The following NAALADL2 variants were observed in gnomAD, a reference collection of about 807,000 sequenced individuals.
NAALADL2 encodes N-acetylated alpha-linked acidic dipeptidase like 2, also known as inactive N-acetylated-alpha-linked acidic dipeptidase-like protein 2.
In NAALADL2, 76 loss-of-function variants were observed where a neutral mutation model predicts 87.2. The ratio of observed to expected loss-of-function variants is 0.87; its 90% CI spans 0.72 to 1.05. The LOEUF is 1.05. Among genes scored for constraint, NAALADL2 ranks in the 50% least tolerant of loss-of-function variants. The pLI is 0.00. For synonymous variants in NAALADL2, 354 were observed against 331.0 expected, an observed-to-expected ratio of 1.07 and a Z score of -0.75; for missense variants, 1,089 against 945.8, an observed-to-expected ratio of 1.15 and a Z score of -1.99.
chr3:174,878,229 G>A (rs143652722), intron 1 of NAALADL2, among the ~76,000 whole-genome samples: 2 of 152,178 alleles, frequency 1.3e-5, no homozygotes, highest in African/African-American at 2.4e-5. Context: ...TAGACACAAC[G>A]TTTAAACTGA....
intron 11 of NAALADL2, among the ~76,000 whole-genome samples, chr3:175,650,354 T>C (rs1258579573): frequency 6.6e-6 from 1 of 152,132 alleles, no homozygotes; most frequent in Non-Finnish European, 1.5e-5. Context: ...CAAATAGAAC[T>C]CAAAGGAATT....
chr3:175,406,091 C>G (rs1712325322), intron 5 of NAALADL2, among the ~76,000 whole-genome samples: 1 of 152,038 alleles, frequency 6.6e-6, no homozygotes, highest in South Asian at 2.1e-4. Context: ...AACACTTAAA[C>G]AAATAATATC....
chr3:175,055,144 T>C (rs1711855284), intron 1 of NAALADL2, among the ~76,000 whole-genome samples: 1 of 152,160 alleles, frequency 6.6e-6, no homozygotes, highest in Admixed American at 6.5e-5. Context: ...ATCAGTAATT[T>C]GGTTCACCCA....
At chr3:174,814,789 A>C (rs1185020784) in intron 3 of NAALADL2, among the ~76,000 whole-genome samples, 14 of 152,216 alleles carry the variant, frequency 9.2e-5, no homozygotes, top group Admixed American at 5.9e-4. Flanking sequence ...TCCATATAGC[A>C]GGCCAACTCT....
intron 13 of NAALADL2, among the ~76,000 whole-genome samples, chr3:175,787,042 A>T (rs1015792603): frequency 6.6e-6 from 1 of 151,846 alleles, no homozygotes; most frequent in Admixed American, 6.6e-5. Flanking sequence ...GGGGTCAGGG[A>T]CCCACTTGAG....
At chr3:174,672,185 C>A (rs992124392) in intron 2 of NAALADL2, among the ~76,000 whole-genome samples, 8 of 151,990 alleles carry the variant, frequency 5.3e-5, no homozygotes, top group Admixed American at 2.0e-4. Flanking sequence ...TACTTTTTTT[C>A]TTTCCCACAT....
intron 11 of NAALADL2, among the ~76,000 whole-genome samples, chr3:175,697,432 C>CACACACACAA (rs71626217): frequency 6.8e-6 from 1 of 147,630 alleles, no homozygotes; most frequent in Admixed American, 6.7e-5. Flanking sequence ...CACACACACA[C>CACACACACAA]AAAACCCTAC....
intron 5 of NAALADL2, among the ~76,000 whole-genome samples, chr3:175,374,018 A>T (rs1331177576): frequency 6.6e-6 from 1 of 151,868 alleles, no homozygotes; most frequent in Non-Finnish European, 1.5e-5. Context: ...CTTACTATTG[A>T]ATTTTTTTAT....
chr3:175,502,268 C>T (rs930293750), intron 9 of NAALADL2, among the ~76,000 whole-genome samples: 2 of 146,742 alleles, frequency 1.4e-5, no homozygotes, highest in Non-Finnish European at 3.0e-5. Context: ...TGTGTGTGTG[C>T]ATGTGTGTTT....
At chr3:174,460,585 CTTTTTTCTTT>C (rs1214921175) in intron 1 of NAALADL2, among the ~76,000 whole-genome samples, 3 of 151,496 alleles carry the variant, frequency 2.0e-5, no homozygotes, top group African/African-American at 7.3e-5. Flanking sequence ...TTTTTTCCTT[CTTTTTTCTTT>C]TTTTTTCTTA....
At chr3:175,110,807 T>C (rs1417466752) in intron 2 of NAALADL2, among the ~76,000 whole-genome samples, 1 of 151,712 alleles carries the variant, frequency 6.6e-6, no homozygotes, top group Non-Finnish European at 1.5e-5. Context: ...AAAAAATATG[T>C]GAAAATAACA....
At chr3:175,019,645 C>T (rs1751314894) in intron 1 of NAALADL2, among the ~76,000 whole-genome samples, 1 of 151,948 alleles carries the variant, frequency 6.6e-6, no homozygotes, top group South Asian at 2.1e-4. Flanking sequence ...CTTCGTTGAC[C>T]ATTTTCAGCT....
At chr3:175,088,318 A>G (rs915804384) in intron 1 of NAALADL2, among the ~76,000 whole-genome samples, 1 of 152,210 alleles carries the variant, frequency 6.6e-6, no homozygotes, top group Non-Finnish European at 1.5e-5. Flanking sequence ...TTTTGTTACT[A>G]ACAGAATTTT....
chr3:174,472,537 T>A (rs905878390), intron 1 of NAALADL2, among the ~76,000 whole-genome samples: 2 of 152,182 alleles, frequency 1.3e-5, no homozygotes, highest in African/African-American at 2.4e-5. Context: ...ACATTTCCCT[T>A]TGTTTTAAAA....
intron 5 of NAALADL2, among the ~76,000 whole-genome samples, chr3:175,443,218 G>A (rs2149209575): frequency 6.6e-6 from 1 of 152,178 alleles, no homozygotes; most frequent in Admixed American, 6.5e-5. Flanking sequence ...ACTTACTTTA[G>A]ATATTTCAAA....
chr3:174,692,292 T>A (rs1728649341), intron 2 of NAALADL2, among the ~76,000 whole-genome samples: 1 of 152,218 alleles, frequency 6.6e-6, no homozygotes, highest in African/African-American at 2.4e-5. Context: ...GCTCTTCTTG[T>A]TTATGATTGT....
intron 1 of NAALADL2, among the ~76,000 whole-genome samples, chr3:174,538,559 GA>G (rs909107037): frequency 1.3e-5 from 2 of 152,018 alleles, no homozygotes; most frequent in Non-Finnish European, 2.9e-5. Flanking sequence ...AAGGGGAAAG[GA>G]AAAAAGACCT....
chr3:175,201,096 C>G (rs1299126483), intron 2 of NAALADL2, among the ~76,000 whole-genome samples: 1 of 152,120 alleles, frequency 6.6e-6, no homozygotes, highest in Non-Finnish European at 1.5e-5. Flanking sequence ...TCTCTAATAA[C>G]ACAATGTTTT....
intron 11 of NAALADL2, among the ~76,000 whole-genome samples, chr3:175,660,644 A>G (rs1203171522): frequency 2.0e-5 from 3 of 151,948 alleles, no homozygotes; most frequent in Admixed American, 6.6e-5. Flanking sequence ...CTGTTAACCA[A>G]TTTCTCTTAA....
Sources: allele counts gnomAD v4.1 joint callset (sites outside exome capture counted in the v4.1 genomes callset), GRCh38; gene constraint gnomAD v4.1.1; transcripts MANE v1.5; gene names NCBI Gene and HGNC (gene_info 2026-07-23, HGNC 2026-07-21).